YES1: variants seen among roughly 807,000 people sequenced by gnomAD.
The protein encoded by YES1 is tyrosine-protein kinase Yes.
Under a neutral mutation model 70.4 loss-of-function variants are expected in YES1, and 39 were observed. The observed-to-expected ratio is 0.55, with a 90% CI of 0.43 to 0.72. YES1 has a LOEUF of 0.72. YES1 is among the 30% of genes least tolerant of loss of function. YES1 has a pLI of 0.00. For missense variants in YES1, 495 were observed against 644.8 expected, an observed-to-expected ratio of 0.77 and a Z score of 2.52; for synonymous variants, 198 against 218.6, an observed-to-expected ratio of 0.91 and a Z score of 0.83.
At chr18:763,619 C>G (rs1231365452) in intron 1 of YES1, among the ~76,000 whole-genome samples, 1 of 150,678 alleles carries the variant, frequency 6.6e-6, no homozygotes, top group Non-Finnish European at 1.5e-5. Context: ...GGGAAGATCA[C>G]CTGAGCCCAG....
At chr18:773,720 A>G (rs563646233) in intron 1 of YES1, among the ~76,000 whole-genome samples, 1 of 152,276 alleles carries the variant, frequency 6.6e-6, no homozygotes, top group South Asian at 2.1e-4. Flanking sequence ...CTTTGTTCCA[A>G]CTTTCCTATG....
chr18:768,479 G>A (rs1200193802), intron 1 of YES1, among the ~76,000 whole-genome samples: 1 of 151,954 alleles, frequency 6.6e-6, no homozygotes. Context: ...CAGTGTACAG[G>A]TCTTGTCCAA....
chr18:761,313 C>CAAAAA (rs1296169454), intron 1 of YES1, among the ~76,000 whole-genome samples: 1 of 151,514 alleles, frequency 6.6e-6, no homozygotes, highest in Non-Finnish European at 1.5e-5. Context: ...AAATTACCTG[C>CAAAAA]ATCCAAAGTC....
At chr18:734,360 C>G (rs984531906) in intron 10 of YES1, among the ~76,000 whole-genome samples, 1 of 151,410 alleles carries the variant, frequency 6.6e-6, no homozygotes, top group Admixed American at 6.6e-5. Flanking sequence ...TGAGACCATC[C>G]TGGCTAATAC....
chr18:759,886 T>C (rs11081340), intron 1 of YES1, among the ~76,000 whole-genome samples: 8,060 of 120,046 alleles, frequency 0.067, 331 homozygotes, highest in Middle Eastern at 0.12. Flanking sequence ...CAAGCCCCGG[T>C]GTATGATGTT....
intron 1 of YES1, among the ~76,000 whole-genome samples, chr18:795,867 C>G (rs1332006501): frequency 6.6e-6 from 1 of 150,752 alleles, no homozygotes. Flanking sequence ...ACATGTGTAC[C>G]CATGTAACAA....
intron 1 of YES1, among the ~76,000 whole-genome samples, chr18:765,295 T>G (rs11876917): frequency 0.019 from 2,585 of 134,746 alleles, 93 homozygotes; most frequent in African/African-American, 0.066. Flanking sequence ...TATATATATC[T>G]GTAGCAATTT....
chr18:784,319 T>C (rs1011929922), intron 1 of YES1, among the ~76,000 whole-genome samples: 19 of 152,344 alleles, frequency 1.2e-4, no homozygotes, highest in Admixed American at 9.1e-4. Flanking sequence ...ACTGAAGATA[T>C]GTGTTGTTAT....
intron 3 of YES1, among the ~76,000 whole-genome samples, chr18:750,452 C>T (rs950910298): frequency 2.0e-5 from 3 of 152,274 alleles, no homozygotes; most frequent in South Asian, 2.1e-4. Flanking sequence ...CTGCTGTGTG[C>T]GTTTTAAGAT....
chr18:769,298 CTG>C (rs1389680072), intron 1 of YES1, among the ~76,000 whole-genome samples: 1 of 152,204 alleles, frequency 6.6e-6, no homozygotes, highest in Non-Finnish European at 1.5e-5. Flanking sequence ...GTTCTTGTGA[CTG>C]TACTAAACTC....
chr18:746,748 T>C (rs762935976), intron 4 of YES1, among the ~76,000 whole-genome samples: 8 of 152,222 alleles, frequency 5.3e-5, no homozygotes, highest in African/African-American at 9.6e-5. Context: ...TGGTTTAACC[T>C]AAAAGTAGTG....
chr18:810,074 G>C (rs192429710), intron 1 of YES1, among the ~76,000 whole-genome samples: 2 of 149,598 alleles, frequency 1.3e-5, no homozygotes, highest in Non-Finnish European at 3.0e-5. Context: ...TTAAAAAATT[G>C]TTTTGGCATT....
At chr18:746,202 T>A in intron 4 of YES1, 151 bp from the exon 5 acceptor site, 1 of 623,574 alleles carries the variant, frequency 1.6e-6, no homozygotes, top group Non-Finnish European at 2.9e-6. Flanking sequence ...AGAGTTTTAT[T>A]GATTAAATAG....
At position 743,288 on chromosome 18, in the gene YES1, T is replaced by C. The variant is rs1224731481; in HGVS notation, c.852A>G (p.Gly284=). 3 of 1,612,192 alleles carry C rather than the reference T, an allele frequency of 1.9e-6. No individual in the cohort carries two copies. The highest frequency in any genetic ancestry group is 2.5e-6 in the Non-Finnish European group (3 of 1,179,948). ...RESLRLEVKL[G]QGCFGEVWMG... ...TCCACACTTCGCCGAAACATCCTTG[T>C]CCTAGTTTAACCTCTAGTCGCAAAG... Residue 284 remains glycine (G), a synonymous_variant, in exon 7 of 12, where the codon GGA becomes GGG. Coordinates refer to ENST00000314574, the MANE Select transcript of YES1 (RefSeq NM_005433.4).
intron 8 of YES1, among the ~76,000 whole-genome samples, chr18:740,424 G>A (rs1193147164): frequency 6.6e-5 from 10 of 152,212 alleles, no homozygotes; most frequent in Non-Finnish European, 1.2e-4. Flanking sequence ...ATGGAAGACA[G>A]AGGAAGGTTG....
chr18:751,441 C>A (rs911837521), intron 3 of YES1, among the ~76,000 whole-genome samples: 2 of 152,122 alleles, frequency 1.3e-5, no homozygotes, highest in African/African-American at 4.8e-5. Flanking sequence ...AATACACTTG[C>A]ATGTACTCCC....
chr18:733,434 T>G (rs900652219), intron 10 of YES1, among the ~76,000 whole-genome samples: 25 of 152,180 alleles, frequency 1.6e-4, no homozygotes, highest in Non-Finnish European at 2.4e-4. Flanking sequence ...ACTCAAATAC[T>G]TACTGTATAT....
intron 1 of YES1, among the ~76,000 whole-genome samples, chr18:770,641 GAATGTGCCCCAGGC>G (rs890528309): frequency 2.0e-5 from 3 of 152,098 alleles, no homozygotes; most frequent in African/African-American, 7.2e-5. Flanking sequence ...CTACAATTTA[GAATGTGCCCCAGGC>G]AAAAAGCCAG....
chr18:734,504 C>A (rs1429010915), intron 10 of YES1, among the ~76,000 whole-genome samples: 19 of 151,758 alleles, frequency 1.3e-4, no homozygotes. Context: ...TGCAGTGAGC[C>A]AAGATCGCGC....
Sources: gnomAD v4.1 joint callset for allele counts (sites outside exome capture counted in the v4.1 genomes callset) on GRCh38, gnomAD v4.1.1 for gene constraint, MANE v1.5 for transcripts, NCBI Gene and HGNC (gene_info 2026-07-23, HGNC 2026-07-21) for gene names.